MYRFL: variants seen among roughly 807,000 people sequenced by gnomAD.
The protein encoded by MYRFL is myelin regulatory factor-like protein.
In MYRFL, 88 loss-of-function variants were observed where a neutral mutation model predicts 109.4. That is an observed-to-expected ratio of 0.80 (90% CI 0.68 to 0.96). The LOEUF (loss-of-function observed/expected upper bound fraction) is 0.96, where lower values mean the gene tolerates loss of function less well. MYRFL is among the 40% of genes least tolerant of loss of function. The pLI is 0.00. For synonymous variants in MYRFL, 324 were observed against 320.9 expected, an observed-to-expected ratio of 1.01 and a Z score of -0.10; for missense variants, 957 against 954.9, an observed-to-expected ratio of 1.00 and a Z score of -0.03.
intron 1 of MYRFL, among the ~76,000 whole-genome samples, chr12:69,850,033 G>C (rs995172996): frequency 6.6e-6 from 1 of 152,124 alleles, no homozygotes; most frequent in South Asian, 2.1e-4. Flanking sequence ...TGAATCATAG[G>C]GGGAGGTCTT....
At chr12:69,935,491 A>C (rs1955419597) in intron 16 of MYRFL, among the ~76,000 whole-genome samples, 1 of 152,214 alleles carries the variant, frequency 6.6e-6, no homozygotes, top group Non-Finnish European at 1.5e-5. Flanking sequence ...CCATTTGTTT[A>C]TGTAAGTTCC....
At chr12:69,860,713 C>T (rs1884598356) in intron 2 of MYRFL, among the ~76,000 whole-genome samples, 1 of 151,538 alleles carries the variant, frequency 6.6e-6, no homozygotes, top group Admixed American at 6.6e-5. Flanking sequence ...GCCTTTTAAA[C>T]TCTTCATATA....
At chr12:69,914,461 A>G (rs1043305826) in intron 13 of MYRFL, among the ~76,000 whole-genome samples, 9 of 152,154 alleles carry the variant, frequency 5.9e-5, no homozygotes, top group Admixed American at 3.3e-4. Context: ...AAGCAGCTAT[A>G]TAACTTCTGG....
chr12:69,837,627 A>C (rs1212176124), intron 1 of MYRFL, among the ~76,000 whole-genome samples: 4 of 152,202 alleles, frequency 2.6e-5, no homozygotes, highest in Admixed American at 2.6e-4. Flanking sequence ...AAGTTAAGCA[A>C]AAGTAGAATT....
chr12:69,951,513 C>T lies in MYRFL; in HGVS notation c.2225-600C>T, dbSNP rs528681573. On this transcript the variant is annotated intron_variant, in intron 19 of 24. Transcript: ENST00000552032. ...CGCAATCTCGGCTCACCACAACCTC[C>T]GCCTCCCAGGTTCAAGTGATTCTCC... is the stretch of plus-strand genomic sequence containing the variant. Among the ~76,000 whole-genome samples the T allele has an allele frequency of 5.5e-3, 840 of 151,462 alleles. 4 individuals carry two copies. Among genetic ancestry groups the T allele is most frequent in the Non-Finnish European group, 8.1e-3 (551 of 67,918 alleles).
chr12:69,924,337 T>C (rs1955002837), intron 13 of MYRFL, among the ~76,000 whole-genome samples: 1 of 152,186 alleles, frequency 6.6e-6, no homozygotes, highest in South Asian at 2.1e-4. Context: ...AATTTTAAGT[T>C]AGTTTTTGTT....
chr12:69,958,776 G>GCAAA lies in MYRFL; in HGVS notation c.*248_*251dup, dbSNP rs1359656120. The GCAAA allele has an allele frequency of 1.4e-4, 60 of 430,438 alleles. No individual in the cohort carries two copies. The East Asian group carries it at 2.0e-3, about 14-fold the overall frequency. The allele number at this position is 430,438 out of a possible 1,614,324, so 26.7% of individuals were successfully genotyped here. ...GACTATGAAGAAAACATTTCCTGGA[G>GCAAA]CAAACAGTTCTGTTGAATTTAAAAA... On this transcript the variant is annotated 3_prime_UTR_variant, in exon 25 of 25. Coordinates refer to ENST00000552032, the MANE Select transcript of MYRFL (RefSeq NM_182530.3).
intron 19 of MYRFL, chr12:69,946,676 A>C (rs940661098): frequency 1.3e-5 from 2 of 152,218 alleles, no homozygotes; most frequent in Admixed American, 1.3e-4. Context: ...CCCTTTATGC[A>C]ATCACCCAAG....
intron 1 of MYRFL, among the ~76,000 whole-genome samples, chr12:69,854,283 G>A (rs1055734879): frequency 3.3e-5 from 5 of 151,748 alleles, no homozygotes; most frequent in Non-Finnish European, 7.4e-5. Flanking sequence ...GCAGTGAGCC[G>A]AGATGGCGGC....
chr12:69,942,777 C>T (rs1408041223), intron 19 of MYRFL, among the ~76,000 whole-genome samples: 14 of 151,556 alleles, frequency 9.2e-5, no homozygotes, highest in African/African-American at 3.1e-4. Context: ...GATTGTATAT[C>T]TAGAAAACCC....
In MYRFL at chr12:69,922,101, T is replaced by C. The variant is rs772079254; in HGVS notation, c.1603-4470T>C. 4.9e-4 allele frequency among the ~76,000 whole-genome samples: 74 copies of C among 152,194 alleles called. 1 individual carries two copies. The highest frequency in any genetic ancestry group is 1.1e-3 in the Admixed American group (17 of 15,294). ...ATTTAGGATGCCGAACTGACAGTCCTGCGTGGTAGATTGCCTGCCAGTGAG... is the reference window on the plus strand; with the variant it reads ...ATTTAGGATGCCGAACTGACAGTCCCGCGTGGTAGATTGCCTGCCAGTGAG... On this transcript the variant is annotated intron_variant, in intron 13 of 24. Coordinates refer to ENST00000552032, the MANE Select transcript of MYRFL (RefSeq NM_182530.3).
chr12:69,879,967 C>T (rs912187913), intron 4 of MYRFL, among the ~76,000 whole-genome samples: 40 of 152,268 alleles, frequency 2.6e-4, no homozygotes, highest in African/African-American at 9.4e-4. Flanking sequence ...TCTGTATCTT[C>T]CCTGTCTCAA....
At chr12:69,834,389 A>C in intron 1 of MYRFL, among the ~76,000 whole-genome samples, 1 of 152,154 alleles carries the variant, frequency 6.6e-6, no homozygotes, top group East Asian at 1.9e-4. Context: ...GCTTCCTAGG[A>C]ATCTCTGTGG....
intron 13 of MYRFL, among the ~76,000 whole-genome samples, chr12:69,925,422 T>G (rs11177971): frequency 0.38 from 57,556 of 152,058 alleles, 11,806 homozygotes; most frequent in East Asian, 0.72. Context: ...AGCTTCAGTT[T>G]GGATGATAAG....
chr12:69,868,791 G>A (rs1295609564), intron 2 of MYRFL, among the ~76,000 whole-genome samples: 2 of 152,228 alleles, frequency 1.3e-5, no homozygotes, highest in African/African-American at 4.8e-5. Flanking sequence ...TTGAGTGCCT[G>A]TCACAGTCTC....
rs372709391 is a variant in MYRFL, at chr12:69,940,238, G to C, written c.2224+3606G>C. Among the ~76,000 whole-genome samples the C allele has an allele frequency of 1.1e-4, 16 of 151,666 alleles. No homozygotes were observed. The East Asian group carries it at 1.9e-3, about 18-fold the overall frequency. On this transcript the variant is annotated intron_variant, in intron 19 of 24. Transcript: ENST00000552032. The stretch of plus-strand genomic sequence containing the variant: ...TACTCCTCGAGAAGAGCAACTCCAA[G>C]ACACATAATTGTCAGATTCACCAAA...
At position 69,853,217 on chromosome 12, in the gene MYRFL, C is replaced by T. The variant is rs1026049546; in HGVS notation, c.47-2063C>T. The stretch of plus-strand genomic sequence containing the variant: ...GGGGCAGCTGCCGGGCAGGGGCTGC[C>T]CCCTACCTCCCTCCCGGACGGGGCG... On this transcript the variant is annotated intron_variant, in intron 1 of 24. Coordinates refer to ENST00000552032, the MANE Select transcript of MYRFL (RefSeq NM_182530.3). 2.6e-5 allele frequency among the ~76,000 whole-genome samples: 4 copies of T among 151,124 alleles called. No individual in the cohort carries two copies. In the East Asian group the frequency reaches 7.9e-4, roughly 30 times the overall value.
chr12:69,897,315 T>C (rs1954029082), intron 10 of MYRFL, 69 bp downstream of exon 10: 1 of 1,085,210 alleles, frequency 9.2e-7, no homozygotes, highest in African/African-American at 1.6e-5. Context: ...ATTTGAATTT[T>C]CAATGGTGTG....
At position 69,880,100 on chromosome 12, in the gene MYRFL, T is replaced by G. The variant is rs986118356; in HGVS notation, c.465-101T>G. 4.8e-6 allele frequency: 3 copies of G among 623,532 alleles called. No homozygotes were observed. In the African/African-American group the frequency reaches 5.5e-5, roughly 11 times the overall value. 38.6% of individuals were successfully genotyped at this position (623,532 alleles called of 1,614,324 possible). A position where few individuals can be genotyped will look rare whatever the true frequency, so the allele number is the denominator to read the frequency against. ...TCAAGGAACCTTAACTAATTGGAAT[T>G]AGACTTAGGAAAGCAGAGAGCCTGG... is the stretch of plus-strand genomic sequence containing the variant. On this transcript the variant is annotated intron_variant, in intron 4 of 24. Transcript: ENST00000552032.
Sources: gnomAD v4.1 joint callset for allele counts (sites outside exome capture counted in the v4.1 genomes callset) on GRCh38, gnomAD v4.1.1 for gene constraint, MANE v1.5 for transcripts, NCBI Gene and HGNC (gene_info 2026-07-23, HGNC 2026-07-21) for gene names.